Variants in ANKRD13C observed in about 807,000 individuals in gnomAD.
ANKRD13C encodes ankyrin repeat domain-containing protein 13C.
A neutral mutation model predicts 65.5 loss-of-function variants in ANKRD13C; 16 were observed. The ratio of observed to expected loss-of-function variants is 0.24; its 90% CI spans 0.17 to 0.37. ANKRD13C has a LOEUF of 0.37. Among genes scored for constraint, ANKRD13C ranks in the 10% least tolerant of loss-of-function variants. The pLI, the probability that ANKRD13C is intolerant of heterozygous loss-of-function variation, is 1.00. For synonymous variants in ANKRD13C, 235 were observed against 238.7 expected (o/e 0.98, Z 0.14); for missense variants, 503 against 655.9 (o/e 0.77, Z 2.55).
At chr1:70,264,790 G>GA (rs949237158) in intron 12 of ANKRD13C, among the ~76,000 whole-genome samples, 2 of 152,094 alleles carry the variant, frequency 1.3e-5, no homozygotes, top group African/African-American at 4.8e-5. Context: ...TGACTATCTA[G>GA]AAAAAAATAA....
intron 1 of ANKRD13C, among the ~76,000 whole-genome samples, chr1:70,352,476 A>G (rs988157815): frequency 6.6e-6 from 1 of 152,202 alleles, no homozygotes; most frequent in African/African-American, 2.4e-5. Flanking sequence ...TGAAGAAGAC[A>G]TGGAAGCCCA....
Position 70,300,884 on chromosome 1 carries a change from A to G in ANKRD13C, c.801T>C (p.Phe267=). Residue 267 remains phenylalanine (F), a synonymous_variant, in exon 7 of 13, where the codon TTT becomes TTC. Transcript: ENST00000370944. ...NIRLDTTLID[F]TDMKCQRGDL... Reference sequence around the variant, plus strand: ...CCCCTCGTTGGCACTTCATGTCAGTAAAGTCTATGAGAGTTGTGTCAAGCC... The same window carrying G: ...CCCCTCGTTGGCACTTCATGTCAGTGAAGTCTATGAGAGTTGTGTCAAGCC... The G allele has an allele frequency of 6.2e-7, 1 of 1,613,534 alleles. No homozygotes were observed. The highest frequency in any genetic ancestry group is 8.5e-7 in the Non-Finnish European group (1 of 1,179,876).
In ANKRD13C at chr1:70,274,756, A is replaced by G. The variant is rs1679057052; in HGVS notation, c.1358T>C (p.Ile453Thr). 2.5e-6 allele frequency: 4 copies of G among 1,613,914 alleles called. No homozygotes were observed. The highest frequency in any genetic ancestry group is 3.4e-6 in the Non-Finnish European group (4 of 1,179,888). ...TAAGGGAAATTCCTGGCTCATGGCT[A>G]TCGTAGCTTTAAACGTTTTCTTACT... Reference protein sequence around the residue: ...KESKKTFKATIAMSQEFPLGI... With the variant: ...KESKKTFKATTAMSQEFPLGI... The change falls in exon 11 of 13, where the codon ATA (isoleucine) becomes ACA (threonine). Residue 453 changes from isoleucine (I) to threonine (T), a missense_variant. Around this residue, in one of 2 missense-constraint regions of ANKRD13C, gnomAD observed 300 missense variants for 478.3 expected, o/e 0.63. Transcript: ENST00000370944.
chr1:70,309,632 A>C (rs1168077618), intron 5 of ANKRD13C, among the ~76,000 whole-genome samples: 1 of 149,446 alleles, frequency 6.7e-6, no homozygotes, highest in Non-Finnish European at 1.5e-5. Flanking sequence ...AGGCTGAGGC[A>C]GGAGAATGGC....
At chr1:70,347,074 A>G (rs918891387) in intron 1 of ANKRD13C, among the ~76,000 whole-genome samples, 4 of 137,916 alleles carry the variant, frequency 2.9e-5, no homozygotes, top group Non-Finnish European at 6.1e-5. Flanking sequence ...CCTTGGTGAC[A>G]GAGCGAGGCT....
chr1:70,319,156 T>G (rs931299510), intron 3 of ANKRD13C, among the ~76,000 whole-genome samples: 1 of 152,232 alleles, frequency 6.6e-6, no homozygotes, highest in African/African-American at 2.4e-5. Context: ...TAACAAGCCC[T>G]GCTTTGAAGT....
At chr1:70,305,232 A>C (rs1680539469) in intron 6 of ANKRD13C, among the ~76,000 whole-genome samples, 1 of 152,244 alleles carries the variant, frequency 6.6e-6, no homozygotes, top group Non-Finnish European at 1.5e-5. Flanking sequence ...AATTCAAAAT[A>C]CTAAACAATA....
intron 12 of ANKRD13C, among the ~76,000 whole-genome samples, chr1:70,267,221 T>G (rs1305337178): frequency 6.6e-6 from 1 of 152,224 alleles, no homozygotes; most frequent in African/African-American, 2.4e-5. Context: ...ATATCTGCCT[T>G]AATTTTAATA....
intron 9 of ANKRD13C, among the ~76,000 whole-genome samples, chr1:70,281,959 C>T (rs927266143): frequency 1.3e-5 from 2 of 150,994 alleles, no homozygotes; most frequent in African/African-American, 2.4e-5. Flanking sequence ...GAGGTCATGC[C>T]ACTGCACTCC....
intron 7 of ANKRD13C, among the ~76,000 whole-genome samples, 176 bp from the exon 8 acceptor site, chr1:70,296,437 T>C (rs1034194546): frequency 5.9e-5 from 9 of 152,198 alleles, no homozygotes; most frequent in African/African-American, 1.9e-4. Flanking sequence ...AAATTGTACA[T>C]ATTAATATCT....
chr1:70,296,391 T>A, intron 7 of ANKRD13C, 130 bp from the exon 8 acceptor site: 1 of 895,878 alleles, frequency 1.1e-6, no homozygotes, highest in Non-Finnish European at 1.7e-6. Flanking sequence ...CTAAATAATG[T>A]GAAGTGTTAC....
intron 1 of ANKRD13C, among the ~76,000 whole-genome samples, chr1:70,349,160 AAT>A (rs1682645335): frequency 6.6e-6 from 1 of 152,222 alleles, no homozygotes; most frequent in African/African-American, 2.4e-5. Context: ...AATTATAAAA[AAT>A]GTCTTGTCAT....
At position 70,324,836 on chromosome 1, in the gene ANKRD13C, T is replaced by C. The variant is rs922948778; in HGVS notation, c.577+17A>G. On this transcript the variant is annotated intron_variant, in intron 3 of 12. Coordinates refer to ENST00000370944, the MANE Select transcript of ANKRD13C (RefSeq NM_030816.5). The stretch of plus-strand genomic sequence containing the variant: ...TTTTTAGAAGATATATCAACAACAG[T>C]AATTCATATTGCTTACTCATCTGCC... 2.6e-6 allele frequency: 4 copies of C among 1,539,564 alleles called. No individual in the cohort carries two copies. The highest frequency in any genetic ancestry group is 3.6e-6 in the Non-Finnish European group (4 of 1,123,154).
chr1:70,276,083 A>G (rs1679123086), intron 10 of ANKRD13C, among the ~76,000 whole-genome samples: 1 of 152,076 alleles, frequency 6.6e-6, no homozygotes, highest in South Asian at 2.1e-4. Context: ...AAACAGGAGC[A>G]GGAAAGCAAT....
At chr1:70,314,840 AGAG>A (rs1681006491) in intron 4 of ANKRD13C, among the ~76,000 whole-genome samples, 1 of 152,130 alleles carries the variant, frequency 6.6e-6, no homozygotes, top group Non-Finnish European at 1.5e-5. Context: ...GCAGAAATAC[AGAG>A]AAGAGAGTAA....
intron 9 of ANKRD13C, among the ~76,000 whole-genome samples, chr1:70,278,554 T>A (rs1472625608): frequency 1.3e-5 from 2 of 151,440 alleles, no homozygotes; most frequent in Non-Finnish European, 2.9e-5. Context: ...CCTCATAAAT[T>A]AAAAAAAAAT....
chr1:70,282,899 ATT>A (rs1679460106), intron 9 of ANKRD13C, among the ~76,000 whole-genome samples: 1 of 152,114 alleles, frequency 6.6e-6, no homozygotes, highest in African/African-American at 2.4e-5. Context: ...GTAAAGACAC[ATT>A]TGTCATATGA....
At chr1:70,334,278 A>C (rs1480589563) in intron 2 of ANKRD13C, among the ~76,000 whole-genome samples, 2 of 152,024 alleles carry the variant, frequency 1.3e-5, no homozygotes, top group African/African-American at 2.4e-5. Flanking sequence ...GTGAGCTAGG[A>C]TCGCACCACT....
At chr1:70,295,306 G>C (rs1459038252) in intron 8 of ANKRD13C, among the ~76,000 whole-genome samples, 1 of 151,634 alleles carries the variant, frequency 6.6e-6, no homozygotes, top group Non-Finnish European at 1.5e-5. Context: ...GGAGTGCAGT[G>C]GTGCCATCTC....
Sources: gnomAD v4.1 joint callset for allele counts (sites outside exome capture counted in the v4.1 genomes callset) on GRCh38, gnomAD v4.1.1 for gene constraint, gnomAD v4.1.1 regional missense constraint, MANE v1.5 for transcripts, NCBI Gene and HGNC (gene_info 2026-07-23, HGNC 2026-07-21) for gene names.